Variants in USP24 observed in about 807,000 individuals in gnomAD.
The protein encoded by USP24 is ubiquitin specific peptidase 24, also known as ubiquitin carboxyl-terminal hydrolase 24.
USP24 carries 97 observed loss-of-function variants against 361.6 expected under a neutral mutation model. That is an observed-to-expected ratio of 0.27 (90% CI 0.23 to 0.32). The LOEUF (loss-of-function observed/expected upper bound fraction) is 0.32. Among genes scored for constraint, USP24 ranks in the 10% least tolerant of loss-of-function variants. The pLI, the probability that USP24 is intolerant of heterozygous loss-of-function variation, is 1.00. For missense variants in USP24, 2,353 were observed against 3,165.6 expected, an observed-to-expected ratio of 0.74 and a Z score of 6.16; for synonymous variants, 1,098 against 1,124.6, an observed-to-expected ratio of 0.98 and a Z score of 0.47.
At chr1:55,125,903 A>G (rs1295700444) in intron 32 of USP24, 145 bp from the exon 33 acceptor site, 8 of 681,100 alleles carry the variant, frequency 1.2e-5, no homozygotes, top group South Asian at 4.3e-5. Context: ...TATATCTATC[A>G]TAATAATTTC....
Position 55,103,883 on chromosome 1 carries a change from T to A in USP24, c.5018A>T (p.Glu1673Val), listed in dbSNP as rs1409065658. ...AACGTCTAGAAAACCTACATCAAAC[T>A]CCTTGGTAAGAGCAGGGTCAGGCTG... ...HHQPDPALTK[E>V]FDYLPPVDSR... Residue 1673 changes from glutamate to valine, a missense_variant, in exon 42 of 68, where the codon GAG becomes GTG. This residue lies in a region of USP24 where 949 missense variants were observed against 1,280.5 expected (regional missense o/e 0.74). Coordinates refer to ENST00000294383, the MANE Select transcript of USP24 (RefSeq NM_015306.3). 1 of 1,610,614 alleles carries A rather than the reference T, an allele frequency of 6.2e-7. No individual in the cohort carries two copies. The highest frequency in any genetic ancestry group is 8.5e-7 in the Non-Finnish European group (1 of 1,178,720).
Position 55,079,599 on chromosome 1 carries a change from G to A in USP24, c.7139C>T (p.Pro2380Leu), listed in dbSNP as rs1299973320. The change falls in exon 60 of 68, where the codon CCC becomes CTC. Residue 2380 changes from proline (P) to leucine (L), a missense_variant. By Grantham distance (98) the Pro-to-Leu change is moderately conservative. Coordinates refer to ENST00000294383, the MANE Select transcript of USP24 (RefSeq NM_015306.3). ...CAAGGCTTCTACCTCCTCATGGAGGGGCAACAGAGGGCTTGAGGGAGCAAT... is the reference window on the plus strand; with the variant it reads ...CAAGGCTTCTACCTCCTCATGGAGGAGCAACAGAGGGCTTGAGGGAGCAAT... ...ISIAPSSPLL[P>L]LHEEVEALLF... 5 of 1,558,690 alleles carry A rather than the reference G, an allele frequency of 3.2e-6. No homozygotes were observed. Among genetic ancestry groups the A allele is most frequent in the Non-Finnish European group, 3.4e-6 (4 of 1,160,920 alleles).
At chr1:55,166,526 T>C (rs1049313603) in intron 6 of USP24, 42 bp downstream of exon 6, 10 of 1,541,982 alleles carry the variant, frequency 6.5e-6, no homozygotes, top group Middle Eastern at 1.8e-4. Context: ...CATTAGAAAA[T>C]TGAAAATATG....
intron 7 of USP24, among the ~76,000 whole-genome samples, chr1:55,165,654 G>A (rs1648756699): frequency 6.6e-6 from 1 of 151,880 alleles, no homozygotes; most frequent in South Asian, 2.1e-4. Flanking sequence ...CAAATTAAGA[G>A]AAAAATGCCA....
chr1:55,080,568 G>GT (rs1645129802), intron 59 of USP24, among the ~76,000 whole-genome samples: 1 of 152,158 alleles, frequency 6.6e-6, no homozygotes, highest in Non-Finnish European at 1.5e-5. Flanking sequence ...ATCAAACACA[G>GT]TAAGTTTAAA....
At chr1:55,123,156 G>C (rs1222876242) in intron 36 of USP24, among the ~76,000 whole-genome samples, 1 of 152,168 alleles carries the variant, frequency 6.6e-6, no homozygotes, top group African/African-American at 2.4e-5. Flanking sequence ...TGTAATTTAT[G>C]AACTAGTAAA....
intron 1 of USP24, 49 bp from the exon 2 acceptor site, chr1:55,178,181 T>C: frequency 6.5e-7 from 1 of 1,544,830 alleles, no homozygotes. Context: ...AATTAGTGAT[T>C]ACTCTAAAAA....
intron 38 of USP24, among the ~76,000 whole-genome samples, chr1:55,119,199 AT>A (rs1245305585): frequency 2.6e-5 from 4 of 152,254 alleles, no homozygotes; most frequent in Non-Finnish European, 4.4e-5. Context: ...GGATATACAA[AT>A]ATGGTTTATA....
intron 36 of USP24, among the ~76,000 whole-genome samples, chr1:55,122,065 A>G (rs1646298259): frequency 6.6e-6 from 1 of 152,204 alleles, no homozygotes; most frequent in Non-Finnish European, 1.5e-5. Flanking sequence ...AACAAAATGA[A>G]TAAAAGTCTC....
Position 55,111,987 on chromosome 1 carries a change from A to AT in USP24, c.4509-1742dup, listed in dbSNP as rs532682644. Among the ~76,000 whole-genome samples the AT allele has an allele frequency of 5.3e-3, 811 of 152,288 alleles. 7 individuals are homozygous for AT. The highest frequency in any genetic ancestry group is 0.019 in the African/African-American group (783 of 41,574). On this transcript the variant is annotated intron_variant, in intron 38 of 67. Transcript: ENST00000294383. ...AGACTTGCAAACAACAGATAAAATT[A>AT]TAACTATATTTGAGAAATTCTGTAG... is the stretch of plus-strand genomic sequence containing the variant.
chr1:55,123,696 C>T, intron 35 of USP24, 94 bp from the exon 36 acceptor site: 1 of 1,283,506 alleles, frequency 7.8e-7, no homozygotes, highest in Non-Finnish European at 1.0e-6. Context: ...CCTCATGTGA[C>T]ATTAAATACT....
intron 1 of USP24, among the ~76,000 whole-genome samples, chr1:55,201,682 G>C (rs188643539): frequency 4.7e-5 from 7 of 148,464 alleles, no homozygotes; most frequent in Non-Finnish European, 1.0e-4. Flanking sequence ...TGAGATAAAT[G>C]CTATGACAGA....
chr1:55,213,553 G>C (rs1644901186), intron 1 of USP24, among the ~76,000 whole-genome samples: 1 of 152,128 alleles, frequency 6.6e-6, no homozygotes, highest in Non-Finnish European at 1.5e-5. Flanking sequence ...CATTAAGAAC[G>C]AACCAAATTC....
chr1:55,127,259 T>C (rs1646458435), intron 32 of USP24, among the ~76,000 whole-genome samples: 1 of 151,994 alleles, frequency 6.6e-6, no homozygotes, highest in Non-Finnish European at 1.5e-5. Flanking sequence ...GATGTTCCCC[T>C]TCCTGTGTCC....
rs769068553 is a variant in USP24, at chr1:55,165,867, T to C, written c.927+18A>G. 4 of 1,582,454 alleles carry C rather than the reference T, an allele frequency of 2.5e-6. No homozygotes were observed. The Admixed American group carries it at 5.2e-5, about 20-fold the overall frequency. ...GAAATGAATTTCCACAGTGAGCATA[T>C]ACAGTAGTTTAACTTACCCCAAGTT... On this transcript the variant is annotated intron_variant, in intron 7 of 67. Coordinates refer to ENST00000294383, the MANE Select transcript of USP24 (RefSeq NM_015306.3).
rs148616123 is a variant in USP24, at chr1:55,127,796, A to G, written c.3635+1681T>C. Among the ~76,000 whole-genome samples the G allele has an allele frequency of 3.4e-3, 512 of 152,082 alleles. 4 individuals carry two copies. Among genetic ancestry groups the G allele is most frequent in the African/African-American group, 0.012 (498 of 41,464 alleles). ...TAGATGGTATCTCATTGTGGTTTTG[A>G]TTTGCATTTCTCTGATGACCACCCT... On this transcript the variant is annotated intron_variant, in intron 32 of 67. Transcript: ENST00000294383.
intron 32 of USP24, among the ~76,000 whole-genome samples, chr1:55,127,115 G>A (rs1646453083): frequency 3.3e-5 from 5 of 151,678 alleles, no homozygotes; most frequent in Non-Finnish European, 7.4e-5. Context: ...TGTGCACAAT[G>A]TGCAGGTTAG....
At chr1:55,121,586 C>T (rs1646283028) in intron 36 of USP24, 80 bp from the exon 37 acceptor site, 5 of 1,195,322 alleles carry the variant, frequency 4.2e-6, no homozygotes, top group Non-Finnish European at 6.1e-6. Context: ...ATTTCTTAAG[C>T]TCAACTTAAG....
chr1:55,171,246 ACTCT>A (rs1048900038), intron 5 of USP24, among the ~76,000 whole-genome samples: 9 of 152,244 alleles, frequency 5.9e-5, no homozygotes, highest in South Asian at 2.1e-4. Context: ...TAGTCTCTCA[ACTCT>A]CTCTAAGAAA....
Sources: allele counts gnomAD v4.1 joint callset (sites outside exome capture counted in the v4.1 genomes callset), GRCh38; gene constraint gnomAD v4.1.1; regional missense constraint gnomAD v4.1.1; transcripts MANE v1.5; gene names NCBI Gene and HGNC (gene_info 2026-07-23, HGNC 2026-07-21).